MFHAS1: variants seen among roughly 807,000 people sequenced by gnomAD.
MFHAS1 encodes multifunctional ROCO family signaling regulator 1.
Under a neutral mutation model 70.4 loss-of-function variants are expected in MFHAS1, and 50 were observed. That is an observed-to-expected ratio of 0.71 (90% CI 0.57 to 0.90). The LOEUF is 0.90. MFHAS1 is among the 40% of genes least tolerant of loss of function. MFHAS1 has a pLI of 0.00. For missense variants in MFHAS1, 1,795 were observed against 1,347.6 expected (o/e 1.33, Z -5.20); for synonymous variants, 952 against 620.0 (o/e 1.54, Z -7.96).
At chr8:8,845,408 T>C (rs967365865) in intron 1 of MFHAS1, among the ~76,000 whole-genome samples, 1 of 152,150 alleles carries the variant, frequency 6.6e-6, no homozygotes, top group African/African-American at 2.4e-5. Flanking sequence ...GCATACCGGG[T>C]AGTGAAACCC....
chr8:8,892,991 C>G lies in MFHAS1; in HGVS notation c.68G>C (p.Arg23Thr). Reference protein sequence around the residue: ...RLWRDAALRARKLRSNLRQLT... With the variant: ...RLWRDAALRATKLRSNLRQLT... ...CTGGCGCAGGTTGCTCCGCAGCTTCCTGGCACGCAGGGCGGCGTCCCGCCA... is the reference window on the plus strand; with the variant it reads ...CTGGCGCAGGTTGCTCCGCAGCTTCGTGGCACGCAGGGCGGCGTCCCGCCA... The change falls in exon 1 of 3, where the codon AGG (arginine) becomes ACG (threonine). Residue 23 changes from arginine (R) to threonine (T), a missense_variant. Arg to Thr is a moderately conservative substitution (Grantham distance 71). Coordinates refer to ENST00000276282, the MANE Select transcript of MFHAS1 (RefSeq NM_004225.3). This position sits in a 1 kb window ranked among gnomAD's most constrained non-coding sequence, Gnocchi z 4.7. 1.3e-6 allele frequency: 2 copies of G among 1,536,330 alleles called. No individual in the cohort carries two copies. Among genetic ancestry groups the G allele is most frequent in the Non-Finnish European group, 1.7e-6 (2 of 1,143,766 alleles).
intron 1 of MFHAS1, among the ~76,000 whole-genome samples, chr8:8,881,936 T>C (rs1187453940): frequency 2.0e-5 from 3 of 152,142 alleles, no homozygotes; most frequent in Non-Finnish European, 4.4e-5. Flanking sequence ...CTGCATTAAA[T>C]GCACATTTGC....
intron 1 of MFHAS1, among the ~76,000 whole-genome samples, chr8:8,889,389 C>T (rs548534001): frequency 6.6e-5 from 10 of 152,324 alleles, no homozygotes; most frequent in African/African-American, 2.4e-4. Flanking sequence ...TGTCTTTACT[C>T]ATCCATTGTT....
intron 1 of MFHAS1, among the ~76,000 whole-genome samples, chr8:8,846,694 T>C (rs1274050390): frequency 6.6e-6 from 1 of 152,098 alleles, no homozygotes. Context: ...CCTCTGCACT[T>C]GTTCTCCCTG....
At chr8:8,803,815 A>C (rs755084378) in intron 1 of MFHAS1, among the ~76,000 whole-genome samples, 28 of 151,982 alleles carry the variant, frequency 1.8e-4, no homozygotes, top group Non-Finnish European at 3.4e-4. Flanking sequence ...CTACTAAAAA[A>C]ACAAAAATTA....
intron 1 of MFHAS1, among the ~76,000 whole-genome samples, chr8:8,888,928 G>A (rs1809876772): frequency 6.6e-6 from 1 of 150,500 alleles, no homozygotes; most frequent in South Asian, 2.1e-4. Flanking sequence ...TGACGTTGGT[G>A]AAGCTACGCA....
chr8:8,853,156 G>A (rs1041463330), intron 1 of MFHAS1, among the ~76,000 whole-genome samples: 7 of 151,764 alleles, frequency 4.6e-5, no homozygotes, highest in Admixed American at 6.6e-5. Flanking sequence ...ACCCACTCAG[G>A]CTTATTTACT....
At chr8:8,883,735 A>G (rs1187464202) in intron 1 of MFHAS1, among the ~76,000 whole-genome samples, 2 of 150,844 alleles carry the variant, frequency 1.3e-5, no homozygotes, top group African/African-American at 4.9e-5. Context: ...AAAAAAAGAA[A>G]GGGCTCCCAT....
chr8:8,867,899 GA>G (rs1808924101), intron 1 of MFHAS1, among the ~76,000 whole-genome samples: 1 of 152,076 alleles, frequency 6.6e-6, no homozygotes, highest in South Asian at 2.1e-4. Context: ...AAAACCCTGG[GA>G]TCTGAGGGAA....
At chr8:8,794,191 A>G (rs1023493774) in intron 2 of MFHAS1, among the ~76,000 whole-genome samples, 1 of 152,134 alleles carries the variant, frequency 6.6e-6, no homozygotes. Context: ...CCCTTTGTCA[A>G]AAAAGAAAAA....
At chr8:8,843,290 A>T (rs1457868568) in intron 1 of MFHAS1, among the ~76,000 whole-genome samples, 2 of 151,840 alleles carry the variant, frequency 1.3e-5, no homozygotes, top group Admixed American at 1.3e-4. Context: ...AAAAAAAAAG[A>T]AAGCGAAAGA....
At position 8,797,617 on chromosome 8, in the gene MFHAS1, T is replaced by C. The variant is rs80327604; in HGVS notation, c.2999-126A>G. ...GGCAGAGGTGAAGCAACGAAGGATG[T>C]GAGAACAAATGTGCAACCAAGAACA... On this transcript the variant is annotated intron_variant, in intron 1 of 2. Coordinates refer to ENST00000276282, the MANE Select transcript of MFHAS1 (RefSeq NM_004225.3). 14 of 1,062,254 alleles carry C rather than the reference T, an allele frequency of 1.3e-5. 1 individual carries two copies. The Admixed American group carries it at 2.5e-4, about 19-fold the overall frequency. The allele number at this position is 1,062,254 out of a possible 1,614,324, so 65.8% of individuals were successfully genotyped here.
intron 1 of MFHAS1, among the ~76,000 whole-genome samples, chr8:8,841,498 T>C (rs1432237574): frequency 1.3e-5 from 2 of 152,182 alleles, no homozygotes; most frequent in East Asian, 3.9e-4. Context: ...TTTTGTTGTT[T>C]GCTGGGAATG....
At chr8:8,884,664 G>C (rs998499167) in intron 1 of MFHAS1, among the ~76,000 whole-genome samples, 1 of 152,064 alleles carries the variant, frequency 6.6e-6, no homozygotes. Flanking sequence ...GAATAACAAA[G>C]AAAAAGAGAT....
chr8:8,868,987 C>A (rs560952350), intron 1 of MFHAS1, among the ~76,000 whole-genome samples: 1 of 152,274 alleles, frequency 6.6e-6, no homozygotes, highest in South Asian at 2.1e-4. Context: ...GGGCATGTTC[C>A]TAACCATTTA....
At chr8:8,791,575 AT>A (rs1805720763) in intron 2 of MFHAS1, among the ~76,000 whole-genome samples, 1 of 152,206 alleles carries the variant, frequency 6.6e-6, no homozygotes, top group Admixed American at 6.5e-5. Flanking sequence ...GCAAGCTGCC[AT>A]TTGTCCAGAG....
At chr8:8,858,919 C>A (rs1808556138) in intron 1 of MFHAS1, among the ~76,000 whole-genome samples, 1 of 152,166 alleles carries the variant, frequency 6.6e-6, no homozygotes. Context: ...GGAACACAAG[C>A]CAGATATCTG....
At chr8:8,814,929 T>C (rs1806684527) in intron 1 of MFHAS1, among the ~76,000 whole-genome samples, 1 of 151,270 alleles carries the variant, frequency 6.6e-6, no homozygotes, top group Admixed American at 6.6e-5. Context: ...GGTAAACGTG[T>C]GCCATGGGAG....
intron 1 of MFHAS1, among the ~76,000 whole-genome samples, chr8:8,830,164 G>A (rs1471960636): frequency 6.6e-6 from 1 of 152,122 alleles, no homozygotes; most frequent in Non-Finnish European, 1.5e-5. Flanking sequence ...CCACACCTCT[G>A]GCGTGGGGAG....
Sources: gnomAD v4.1 joint callset for allele counts (sites outside exome capture counted in the v4.1 genomes callset) on GRCh38, gnomAD v4.1.1 for gene constraint, Gnocchi (gnomAD v3.1) non-coding constraint, MANE v1.5 for transcripts, NCBI Gene and HGNC (gene_info 2026-07-23, HGNC 2026-07-21) for gene names.